Variants in CNTNAP2 observed in about 807,000 individuals in gnomAD.
CNTNAP2 encodes the protein contactin-associated protein-like 2.
CNTNAP2 carries 98 observed loss-of-function variants against 155.2 expected under a neutral mutation model. That is an observed-to-expected ratio of 0.63 (90% CI 0.54 to 0.75). The LOEUF is 0.75. Among genes scored for constraint, CNTNAP2 ranks in the 30% least tolerant of loss-of-function variants. The pLI, the probability that CNTNAP2 is intolerant of heterozygous loss-of-function variation, is 0.00. For synonymous variants in CNTNAP2, 651 were observed against 631.2 expected, an observed-to-expected ratio of 1.03 and a Z score of -0.47; for missense variants, 1,727 against 1,688.1, an observed-to-expected ratio of 1.02 and a Z score of -0.40.
intron 20 of CNTNAP2, among the ~76,000 whole-genome samples, chr7:148,261,171 T>C (rs1270320263): frequency 1.3e-5 from 2 of 151,938 alleles, no homozygotes; most frequent in African/African-American, 4.8e-5. Context: ...TTGTTTTTCT[T>C]TTTTTCTTTG....
chr7:146,648,962 G>A lies in CNTNAP2; in HGVS notation c.98-125309G>A, dbSNP rs542143382. Among the ~76,000 whole-genome samples, 259 of 152,058 alleles carry A rather than the reference G, an allele frequency of 1.7e-3. 1 individual carries two copies. The highest frequency in any genetic ancestry group is 2.9e-3 in the Admixed American group (44 of 15,248). ...TGGCGGACAGATGATGGGAAATACCGCTCTTGCTTTGTAGTAGACAGAAGA... is the reference window on the plus strand; with the variant it reads ...TGGCGGACAGATGATGGGAAATACCACTCTTGCTTTGTAGTAGACAGAAGA... On this transcript the variant is annotated intron_variant, in intron 1 of 23. Coordinates refer to ENST00000361727, the MANE Select transcript of CNTNAP2 (RefSeq NM_014141.6).
chr7:148,167,376 T>C (rs1440387346), intron 17 of CNTNAP2, among the ~76,000 whole-genome samples: 2 of 152,108 alleles, frequency 1.3e-5, no homozygotes, highest in African/African-American at 2.4e-5. Flanking sequence ...TGACCTCAGA[T>C]GATCTGCCCG....
At chr7:148,131,424 T>C (rs1804829791) in intron 16 of CNTNAP2, among the ~76,000 whole-genome samples, 1 of 152,116 alleles carries the variant, frequency 6.6e-6, no homozygotes, top group Non-Finnish European at 1.5e-5. Context: ...TTACTCTATG[T>C]GGTAGTTCAT....
intron 1 of CNTNAP2, among the ~76,000 whole-genome samples, chr7:146,553,959 T>A (rs948853425): frequency 6.6e-6 from 1 of 152,196 alleles, no homozygotes; most frequent in African/African-American, 2.4e-5. Flanking sequence ...ATTGTGCCTT[T>A]GGTTGAAATA....
intron 1 of CNTNAP2, among the ~76,000 whole-genome samples, chr7:146,513,146 C>G (rs1047343513): frequency 6.6e-6 from 1 of 151,838 alleles, no homozygotes; most frequent in Non-Finnish European, 1.5e-5. Context: ...TACTTGGAAA[C>G]TTTTGCCATT....
chr7:146,344,063 G>A (rs997109033), intron 1 of CNTNAP2, among the ~76,000 whole-genome samples: 3 of 152,068 alleles, frequency 2.0e-5, no homozygotes, highest in Admixed American at 2.0e-4. Flanking sequence ...AAATAGAGAA[G>A]AAGCTATTGT....
chr7:147,445,572 G>A (rs1193580353), intron 10 of CNTNAP2, among the ~76,000 whole-genome samples: 1 of 152,174 alleles, frequency 6.6e-6, no homozygotes, highest in Non-Finnish European at 1.5e-5. Flanking sequence ...AACACTGCTT[G>A]ACACAAAGTA....
chr7:146,722,595 T>C (rs1245279796), intron 1 of CNTNAP2, among the ~76,000 whole-genome samples: 1 of 152,026 alleles, frequency 6.6e-6, no homozygotes, highest in Non-Finnish European at 1.5e-5. Context: ...GCCCAGGGGA[T>C]TGGAGATTTG....
chr7:147,898,746 C>A (rs1437273308), intron 13 of CNTNAP2, among the ~76,000 whole-genome samples: 1 of 152,050 alleles, frequency 6.6e-6, no homozygotes, highest in East Asian at 1.9e-4. Context: ...TCTTGAACTC[C>A]TGACCTTGTG....
chr7:146,963,294 A>G (rs975654330), intron 3 of CNTNAP2: 19 of 152,302 alleles, frequency 1.2e-4, no homozygotes, highest in East Asian at 5.8e-4. Context: ...CCTACCTTCA[A>G]TTTTACTTGT....
At chr7:146,517,631 G>T (rs1267219676) in intron 1 of CNTNAP2, among the ~76,000 whole-genome samples, 1 of 151,878 alleles carries the variant, frequency 6.6e-6, no homozygotes, top group Admixed American at 6.6e-5. Context: ...GGAGATATAG[G>T]CAGTTGAGTG....
chr7:146,294,356 C>T (rs923744899), intron 1 of CNTNAP2, among the ~76,000 whole-genome samples: 6 of 152,108 alleles, frequency 3.9e-5, no homozygotes, highest in Non-Finnish European at 5.9e-5. Context: ...GATATTTGGA[C>T]GCTGCCCTCT....
chr7:147,042,193 G>A (rs957634961), intron 3 of CNTNAP2, among the ~76,000 whole-genome samples: 1 of 152,160 alleles, frequency 6.6e-6, no homozygotes. Context: ...ATTTTTAAAA[G>A]GCAGTGGTAG....
chr7:147,459,370 C>A (rs1797977452), intron 10 of CNTNAP2, among the ~76,000 whole-genome samples: 1 of 152,100 alleles, frequency 6.6e-6, no homozygotes, highest in African/African-American at 2.4e-5. Context: ...AAAAGTAGCC[C>A]TTTACCTATG....
intron 10 of CNTNAP2, among the ~76,000 whole-genome samples, chr7:147,398,072 GTGT>G (rs1014306318): frequency 5.3e-5 from 8 of 152,050 alleles, no homozygotes; most frequent in African/African-American, 1.7e-4. Context: ...TAAGCATGAA[GTGT>G]TGTACTTTCA....
chr7:147,475,546 A>G (rs987731428), intron 10 of CNTNAP2, among the ~76,000 whole-genome samples: 13 of 151,796 alleles, frequency 8.6e-5, no homozygotes, highest in African/African-American at 3.1e-4. Context: ...AGTATTCTTC[A>G]TAGGATAAAG....
At chr7:147,966,143 G>A (rs1045049461) in intron 14 of CNTNAP2, among the ~76,000 whole-genome samples, 3 of 152,090 alleles carry the variant, frequency 2.0e-5, no homozygotes, top group Non-Finnish European at 2.9e-5. Flanking sequence ...TCACTTATAT[G>A]GATCTGTGTT....
chr7:147,142,573 A>G (rs999665371), intron 8 of CNTNAP2, among the ~76,000 whole-genome samples: 1 of 152,052 alleles, frequency 6.6e-6, no homozygotes, highest in African/African-American at 2.4e-5. Context: ...TGGTATCAGG[A>G]TGATGCTGGC....
intron 22 of CNTNAP2, among the ~76,000 whole-genome samples, chr7:148,385,171 G>C (rs898547771): frequency 7.9e-5 from 12 of 152,172 alleles, no homozygotes; most frequent in African/African-American, 2.4e-4. Flanking sequence ...GTGAAGCTTA[G>C]AGAGAAGCCA....
Sources: gnomAD v4.1 joint callset for allele counts (sites outside exome capture counted in the v4.1 genomes callset) on GRCh38, gnomAD v4.1.1 for gene constraint, MANE v1.5 for transcripts, NCBI Gene and HGNC (gene_info 2026-07-23, HGNC 2026-07-21) for gene names.